EYS: variants seen among roughly 807,000 people sequenced by gnomAD.
EYS encodes the protein EGF-like photoreceptor maintenance factor.
In EYS, 250 loss-of-function variants were observed where a neutral mutation model predicts 282.1. The ratio of observed to expected loss-of-function variants is 0.89; its 90% CI spans 0.80 to 0.98. The LOEUF (loss-of-function observed/expected upper bound fraction) is 0.98, where lower values mean the gene tolerates loss of function less well. EYS is among the 50% of genes least tolerant of loss of function. The pLI is 0.00. For missense variants in EYS, 4,016 were observed against 3,709.0 expected (o/e 1.08, Z -2.15); for synonymous variants, 1,355 against 1,282.9 (o/e 1.06, Z -1.20).
At chr6:65,295,379 T>C (rs1359120731) in intron 12 of EYS, among the ~76,000 whole-genome samples, 2 of 151,952 alleles carry the variant, frequency 1.3e-5, no homozygotes. Flanking sequence ...GTACAGAGAA[T>C]ATAGTATGTT....
intron 36 of EYS, among the ~76,000 whole-genome samples, chr6:63,843,152 A>C (rs1440090277): frequency 6.6e-6 from 1 of 152,130 alleles, no homozygotes; most frequent in Admixed American, 6.6e-5. Context: ...AAGAAAGTCA[A>C]TGGTAGCTTG....
At chr6:64,238,640 A>G (rs1169344669) in intron 30 of EYS, among the ~76,000 whole-genome samples, 1 of 152,172 alleles carries the variant, frequency 6.6e-6, no homozygotes, top group Non-Finnish European at 1.5e-5. Flanking sequence ...AGAACATGCA[A>G]AAATCATGAT....
At chr6:64,196,419 A>C (rs1765288382) in intron 31 of EYS, among the ~76,000 whole-genome samples, 1 of 152,250 alleles carries the variant, frequency 6.6e-6, no homozygotes, top group African/African-American at 2.4e-5. Context: ...ATTATAAATC[A>C]TGCTGCTATA....
chr6:64,682,730 C>A (rs75323248), intron 22 of EYS, among the ~76,000 whole-genome samples: 2 of 152,116 alleles, frequency 1.3e-5, no homozygotes. Context: ...GGTTGAACAT[C>A]GCACTTGGCC....
chr6:64,274,247 C>T (rs574105603), intron 30 of EYS, among the ~76,000 whole-genome samples: 52 of 152,300 alleles, frequency 3.4e-4, no homozygotes, highest in African/African-American at 1.2e-3. Context: ...GTGATCTCAG[C>T]TCACTGCAAC....
At chr6:64,856,846 G>A (rs1307647202) in intron 19 of EYS, among the ~76,000 whole-genome samples, 1 of 151,362 alleles carries the variant, frequency 6.6e-6, no homozygotes, top group Non-Finnish European at 1.5e-5. Flanking sequence ...GCCAACCCTA[G>A]GTAACTTAGG....
At chr6:64,548,246 C>T (rs1488744827) in intron 26 of EYS, among the ~76,000 whole-genome samples, 1 of 152,192 alleles carries the variant, frequency 6.6e-6, no homozygotes, top group Non-Finnish European at 1.5e-5. Flanking sequence ...TAAACTAGTT[C>T]AACCATTGTG....
chr6:65,117,437 A>T (rs1226750131), intron 12 of EYS, among the ~76,000 whole-genome samples: 1 of 152,182 alleles, frequency 6.6e-6, no homozygotes, highest in Non-Finnish European at 1.5e-5. Flanking sequence ...AGTAAATGCT[A>T]AGTGTTGTGC....
intron 5 of EYS, among the ~76,000 whole-genome samples, chr6:65,415,922 T>C (rs2150373391): frequency 6.6e-6 from 1 of 152,172 alleles, no homozygotes; most frequent in Non-Finnish European, 1.5e-5. Context: ...TGGTTCCATG[T>C]ATATTTTACT....
chr6:64,877,089 T>C (rs185119044), intron 19 of EYS, among the ~76,000 whole-genome samples: 1 of 152,272 alleles, frequency 6.6e-6, no homozygotes, highest in Non-Finnish European at 1.5e-5. Context: ...CATTGCAATA[T>C]AGGTTGTGAA....
chr6:65,587,421 T>C (rs1765090666), intron 2 of EYS, among the ~76,000 whole-genome samples: 1 of 152,056 alleles, frequency 6.6e-6, no homozygotes, highest in South Asian at 2.1e-4. Context: ...ATTCTCATGA[T>C]AGTGAGAAAG....
At chr6:65,702,520 T>C (rs1769713438) in intron 1 of EYS, among the ~76,000 whole-genome samples, 1 of 152,014 alleles carries the variant, frequency 6.6e-6, no homozygotes, top group South Asian at 2.1e-4. Flanking sequence ...GGTGAAAGCT[T>C]GTCTCTACTA....
At chr6:64,124,067 C>G (rs538704733) in intron 31 of EYS, among the ~76,000 whole-genome samples, 16 of 152,258 alleles carry the variant, frequency 1.1e-4, no homozygotes, top group African/African-American at 3.1e-4. Context: ...AAATAGCAAG[C>G]CCCACGGAAC....
intron 14 of EYS, among the ~76,000 whole-genome samples, chr6:64,955,776 T>C (rs1646648770): frequency 6.6e-6 from 1 of 152,186 alleles, no homozygotes; most frequent in South Asian, 2.1e-4. Context: ...ACTCCTCCTA[T>C]TAAGGCAGAA....
chr6:64,732,669 T>A (rs976629220), intron 22 of EYS, among the ~76,000 whole-genome samples: 13 of 152,200 alleles, frequency 8.5e-5, no homozygotes, highest in African/African-American at 3.1e-4. Context: ...GTGCTCAGCT[T>A]CAAACCCAAA....
At chr6:64,602,567 T>C (rs1443225946) in intron 24 of EYS, among the ~76,000 whole-genome samples, 1 of 152,086 alleles carries the variant, frequency 6.6e-6, no homozygotes, top group Non-Finnish European at 1.5e-5. Flanking sequence ...CTCTTTGTCC[T>C]CTACACTTAA....
chr6:64,827,572 T>G (rs1279909397), intron 19 of EYS, among the ~76,000 whole-genome samples: 2 of 151,856 alleles, frequency 1.3e-5, no homozygotes, highest in Non-Finnish European at 2.9e-5. Context: ...AATAGCATGA[T>G]ATTTACAAAG....
chr6:65,069,439 T>C (rs895428517), intron 12 of EYS, among the ~76,000 whole-genome samples: 1 of 151,958 alleles, frequency 6.6e-6, no homozygotes, highest in Non-Finnish European at 1.5e-5. Flanking sequence ...TTTGCCATTG[T>C]TACAGGACAT....
At chr6:64,450,209 T>G (rs1315355703) in intron 26 of EYS, among the ~76,000 whole-genome samples, 1 of 152,068 alleles carries the variant, frequency 6.6e-6, no homozygotes, top group Non-Finnish European at 1.5e-5. Context: ...GTTGCAATCC[T>G]AGTCTCTGAT....
Sources: allele counts gnomAD v4.1 joint callset (sites outside exome capture counted in the v4.1 genomes callset), GRCh38; gene constraint gnomAD v4.1.1; transcripts MANE v1.5; gene names NCBI Gene and HGNC (gene_info 2026-07-23, HGNC 2026-07-21).